Variants in WWC2 observed in about 807,000 individuals in gnomAD.
WWC2 encodes WW and C2 domain containing 2.
A neutral mutation model predicts 138.5 loss-of-function variants in WWC2; 101 were observed. The ratio of observed to expected loss-of-function variants is 0.73; its 90% confidence interval spans 0.62 to 0.86. The LOEUF (loss-of-function observed/expected upper bound fraction) is 0.86. WWC2 is among the 40% of genes least tolerant of loss of function. The pLI is 0.00. For synonymous variants in WWC2, 558 were observed against 538.4 expected (o/e 1.04, Z -0.50); for missense variants, 1,420 against 1,419.4 (o/e 1.00, Z -0.01).
At chr4:183,219,219 A>T (rs1348805051) in intron 4 of WWC2, among the ~76,000 whole-genome samples, 2 of 152,292 alleles carry the variant, frequency 1.3e-5, no homozygotes, top group East Asian at 3.9e-4. Context: ...ATAGGGACAG[A>T]GTTTCAGTTT....
intron 1 of WWC2, among the ~76,000 whole-genome samples, chr4:183,116,481 AG>A (rs1295668751): frequency 6.6e-6 from 1 of 152,222 alleles, no homozygotes; most frequent in Non-Finnish European, 1.5e-5. Context: ...GACTTGTCTA[AG>A]GGCACAAAGC....
chr4:183,192,607 T>G (rs1735020682), intron 1 of WWC2, among the ~76,000 whole-genome samples: 1 of 152,234 alleles, frequency 6.6e-6, no homozygotes, highest in Non-Finnish European at 1.5e-5. Context: ...ATGATGTACT[T>G]TGTTATTCTG....
At chr4:183,260,848 A>G (rs10780066) in intron 10 of WWC2, 62 bp from the exon 11 acceptor site, 1,561,725 of 1,571,784 alleles carry the variant, frequency 0.99, 776,386 homozygotes, top group East Asian at 1. Flanking sequence ...GAGCCAGTAG[A>G]GATTGTGATT....
intron 2 of WWC2, among the ~76,000 whole-genome samples, chr4:183,194,460 A>G (rs1311683870): frequency 6.6e-6 from 1 of 152,238 alleles, no homozygotes; most frequent in Non-Finnish European, 1.5e-5. Context: ...TTATTCACTT[A>G]AAAATAATTA....
intron 11 of WWC2, among the ~76,000 whole-genome samples, chr4:183,262,154 G>A (rs1426766234): frequency 6.6e-6 from 1 of 152,200 alleles, no homozygotes; most frequent in African/African-American, 2.4e-5. Context: ...GACAGAAACA[G>A]GAAAAATATC....
intron 4 of WWC2, among the ~76,000 whole-genome samples, chr4:183,216,792 A>G (rs892034488): frequency 6.6e-6 from 1 of 152,130 alleles, no homozygotes; most frequent in African/African-American, 2.4e-5. Context: ...AGCTACAGAG[A>G]TAGAAGAGAG....
chr4:183,277,878 C>G, intron 16 of WWC2, among the ~76,000 whole-genome samples: 1 of 150,810 alleles, frequency 6.6e-6, no homozygotes, highest in Non-Finnish European at 1.5e-5. Flanking sequence ...TGGATATTAG[C>G]CCTTTGTCAG....
chr4:183,272,342 T>C (rs1273942984), intron 16 of WWC2, among the ~76,000 whole-genome samples: 1 of 152,216 alleles, frequency 6.6e-6, no homozygotes, highest in Admixed American at 6.5e-5. Flanking sequence ...TGGCAAAATA[T>C]GATGTTTTAT....
At chr4:183,155,233 C>T (rs1480338417) in intron 1 of WWC2, among the ~76,000 whole-genome samples, 1 of 119,350 alleles carries the variant, frequency 8.4e-6, no homozygotes, top group East Asian at 2.3e-4. Flanking sequence ...AGTTAGTTGA[C>T]GTGGTGAGGA....
rs905975706 is a variant in WWC2 at position 183,244,577 on chromosome 4, A to G, written c.603-839A>G. Reference sequence around the variant, plus strand: ...TAAAAGCAGAATAAATATTATATATATATATATAGAGAGAGAGAGAGAAAT... The same window carrying G: ...TAAAAGCAGAATAAATATTATATATGTATATATAGAGAGAGAGAGAGAAAT... On this transcript the variant is annotated intron_variant, in intron 5 of 22. Transcript: ENST00000403733. 1.2e-4 allele frequency among the ~76,000 whole-genome samples: 18 copies of G among 150,832 alleles called. 2 individuals are homozygous for G. The highest frequency in any genetic ancestry group is 7.9e-4 in the Admixed American group (12 of 15,250).
chr4:183,129,403 T>C (rs1732854868), intron 1 of WWC2, among the ~76,000 whole-genome samples: 1 of 151,954 alleles, frequency 6.6e-6, no homozygotes, highest in Admixed American at 6.6e-5. Flanking sequence ...TAGGACTGTC[T>C]TAGCAAATGG....
At chr4:183,128,043 GAA>G (rs528448875) in intron 1 of WWC2, among the ~76,000 whole-genome samples, 9 of 120,716 alleles carry the variant, frequency 7.5e-5, no homozygotes, top group Non-Finnish European at 3.5e-5. Context: ...CCCCATCTCT[GAA>G]AAAAAAAAAA....
intron 6 of WWC2, among the ~76,000 whole-genome samples, chr4:183,247,727 A>T (rs1736842660): frequency 1.4e-5 from 2 of 138,242 alleles, no homozygotes; most frequent in African/African-American, 5.4e-5. Context: ...TATACTATAT[A>T]CTACATATAT....
intron 1 of WWC2, among the ~76,000 whole-genome samples, chr4:183,106,323 T>G (rs1315465624): frequency 6.6e-6 from 1 of 152,174 alleles, no homozygotes; most frequent in Admixed American, 6.5e-5. Context: ...GTATGTAAGT[T>G]GTGAGATACA....
chr4:183,311,233 C>A (rs1739205576), intron 21 of WWC2, among the ~76,000 whole-genome samples: 1 of 151,988 alleles, frequency 6.6e-6, no homozygotes, highest in South Asian at 2.1e-4. Context: ...AAAATGTGTC[C>A]ATGCACAGTA....
intron 1 of WWC2, among the ~76,000 whole-genome samples, chr4:183,131,614 A>T (rs746928190): frequency 1.3e-5 from 2 of 152,168 alleles, no homozygotes; most frequent in African/African-American, 4.8e-5. Flanking sequence ...TGCTACAAAT[A>T]TCTTCTTCTA....
intron 5 of WWC2, among the ~76,000 whole-genome samples, chr4:183,241,799 CAG>C (rs1736631107): frequency 6.6e-6 from 1 of 152,068 alleles, no homozygotes; most frequent in Admixed American, 6.6e-5. Context: ...GGAGAGAAAA[CAG>C]AGTTTGAAGA....
intron 1 of WWC2, among the ~76,000 whole-genome samples, chr4:183,124,916 C>G (rs986599531): frequency 6.6e-6 from 1 of 152,132 alleles, no homozygotes; most frequent in African/African-American, 2.4e-5. Context: ...AGCTCAGACT[C>G]CTCCACAAAA....
Position 183,207,982 on chromosome 4 carries a change from CA to C in WWC2, c.273del (p.Gln91HisfsTer30). On this transcript the variant is annotated frameshift_variant, in exon 3 of 23. Transcript: ENST00000403733. LOFTEE classifies it high-confidence loss of function. ...CACGCAGATAGAAGATCCAAGAAAACAATGGAGGGGGGAACAGGAGAAGATG... is the reference window on the plus strand; with the variant it reads ...CACGCAGATAGAAGATCCAAGAAAACATGGAGGGGGGAACAGGAGAAGATG... ...KTTQIEDPRKQWRGEQEKMLK... is the reference protein window; with the variant it reads ...KTTQIEDPRKXWRGEQEKMLK... 6.2e-7 allele frequency: 1 copy of C among 1,611,786 alleles called. No individual in the cohort carries two copies. Among genetic ancestry groups the C allele is most frequent in the South Asian group, 1.1e-5 (1 of 90,594 alleles).
Sources: gnomAD v4.1 joint callset for allele counts (sites outside exome capture counted in the v4.1 genomes callset) on GRCh38, gnomAD v4.1.1 for gene constraint, MANE v1.5 for transcripts, NCBI Gene and HGNC (gene_info 2026-07-23, HGNC 2026-07-21) for gene names.